The following MYBBP1A variants were observed in gnomAD, a reference collection of about 807,000 sequenced individuals.
MYBBP1A encodes myb-binding protein 1A.
MYBBP1A carries 147 observed loss-of-function variants against 136.3 expected under a neutral mutation model. The observed-to-expected ratio is 1.08, with a 90% confidence interval of 0.94 to 1.24. The LOEUF is 1.24. Ranked by LOEUF, MYBBP1A falls within the 50% of genes most tolerant of loss-of-function variation. MYBBP1A has a pLI of 0.00. For missense variants in MYBBP1A, 2,060 were observed against 1,727.4 expected, an observed-to-expected ratio of 1.19 and a Z score of -3.41; for synonymous variants, 947 against 735.8, an observed-to-expected ratio of 1.29 and a Z score of -4.65.
Position 4,548,932 on chromosome 17 carries a change from G to A in MYBBP1A, c.1431-283C>T, listed in dbSNP as rs1331620153. Among the ~76,000 whole-genome samples the A allele has an allele frequency of 2.0e-5, 3 of 152,256 alleles. No individual in the cohort carries two copies. The highest frequency in any genetic ancestry group is 4.4e-5 in the Non-Finnish European group (3 of 68,042). Reference sequence around the variant, plus strand: ...TCAAGGAACCAACAGATGGGAGGCTGTGTGGTCATGGCCAAGTCAGGTCAC... The same window carrying A: ...TCAAGGAACCAACAGATGGGAGGCTATGTGGTCATGGCCAAGTCAGGTCAC... On this transcript the variant is annotated intron_variant, in intron 10 of 25. Coordinates refer to ENST00000254718, the MANE Select transcript of MYBBP1A (RefSeq NM_014520.4). The surrounding 1 kb of genome is among the most constrained non-coding windows in gnomAD (Gnocchi z 4.2).
intron 19 of MYBBP1A, among the ~76,000 whole-genome samples, chr17:4,543,497 G>A (rs890591145): frequency 2.6e-5 from 4 of 152,184 alleles, no homozygotes; most frequent in African/African-American, 7.2e-5. Flanking sequence ...TTTGTAAAGC[G>A]AGACAAGGGT....
chr17:4,551,663 C>T (rs749691359), intron 8 of MYBBP1A, among the ~76,000 whole-genome samples: 1 of 152,128 alleles, frequency 6.6e-6, no homozygotes, highest in Non-Finnish European at 1.5e-5. Flanking sequence ...GAGCCAAGAT[C>T]TCACCACTGC....
chr17:4,544,464 G>T, intron 19 of MYBBP1A, 25 bp downstream of exon 19: 1 of 1,544,046 alleles, frequency 6.5e-7, no homozygotes, highest in Non-Finnish European at 8.7e-7. Context: ...GGCCACACCT[G>T]CCCGCCCTGC....
chr17:4,546,071 G>A (rs1028519936), intron 13 of MYBBP1A, 129 bp from the exon 14 acceptor site: 6 of 777,870 alleles, frequency 7.7e-6, no homozygotes, highest in Non-Finnish European at 1.3e-5. Flanking sequence ...GGCCCGCCCT[G>A]GCCAGTCACC....
In MYBBP1A at chr17:4,542,635, C is replaced by T; in HGVS notation, c.2999G>A (p.Ser1000Asn). 6.2e-7 allele frequency: 1 copy of T among 1,613,938 alleles called. No individual in the cohort carries two copies. Among genetic ancestry groups the T allele is most frequent in the Non-Finnish European group, 8.5e-7 (1 of 1,179,902 alleles). ...NSPLTVPMFL[S>N]LFSRHPVLCQ... ...ACTCACCGGGTGCCGGGAGAAGAGG[C>T]TGAGGAACATGGGAACTGTGAGGGG... The change falls in exon 21 of 26, where the codon AGC (serine) becomes AAC (asparagine). Residue 1000 changes from serine to asparagine, a missense_variant. Ser to Asn is a conservative substitution (Grantham distance 46). Coordinates refer to ENST00000254718, the MANE Select transcript of MYBBP1A (RefSeq NM_014520.4).
At chr17:4,540,555 CACCTCTGCCCTGTTGCTGCCTCACCAGTG>C in intron 24 of MYBBP1A, 71 bp from the exon 25 acceptor site, 1 of 1,469,306 alleles carries the variant, frequency 6.8e-7, no homozygotes, top group Non-Finnish European at 9.0e-7. Context: ...CCAGTCTTCC[CACCTCTGCCCTGTTGCTGCCTCACCAGTG>C]ACCCCTGCCC....
At position 4,539,447 on chromosome 17, in the gene MYBBP1A, T is replaced by G; in HGVS notation, c.3955A>C (p.Lys1319Gln). The G allele has an allele frequency of 1.9e-6, 3 of 1,613,742 alleles. No individual in the cohort carries two copies. Among genetic ancestry groups the G allele is most frequent in the Non-Finnish European group, 2.5e-6 (3 of 1,179,846 alleles). The change falls in exon 26 of 26, where the codon AAA (lysine) becomes CAA (glutamine). Residue 1319 changes from lysine to glutamine, a missense_variant. Coordinates refer to ENST00000254718, the MANE Select transcript of MYBBP1A (RefSeq NM_014520.4). ...TTCCCTGCCTTCCTCACCTGTGCTT[T>G]CTTCTTGGCCCCACTCTGAAGCAGG... is the stretch of plus-strand genomic sequence containing the variant. ...PSLLQSGAKK[K>Q]AQVRKAGKP is the part of the protein sequence containing the mutation.
chr17:4,539,682 C>T lies in MYBBP1A; in HGVS notation c.3720G>A (p.Arg1240=). ...TKSPAPGAPT[R]SPSTPAKSPK... is the part of the protein sequence containing the mutation. The stretch of plus-strand genomic sequence containing the variant: ...GGGATTTGGCAGGGGTGCTGGGGCT[C>T]CGGGTGGGGGCGCCAGGGGCTGGAC... The change falls in exon 26 of 26, where the codon CGG becomes CGA. Residue 1240 remains arginine (R), a synonymous_variant. Coordinates refer to ENST00000254718, the MANE Select transcript of MYBBP1A (RefSeq NM_014520.4). 1 of 1,608,374 alleles carries T rather than the reference C, an allele frequency of 6.2e-7. No homozygotes were observed. The highest frequency in any genetic ancestry group is 8.5e-7 in the Non-Finnish European group (1 of 1,176,250).
At chr17:4,549,015 G>A (rs1396939847) in intron 10 of MYBBP1A, among the ~76,000 whole-genome samples, 1 of 152,260 alleles carries the variant, frequency 6.6e-6, no homozygotes, top group African/African-American at 2.4e-5. Flanking sequence ...AGGGTGACGT[G>A]AGCACCCAGC....
chr17:4,545,377 G>T, intron 15 of MYBBP1A, 32 bp from the exon 16 acceptor site: 1 of 1,609,720 alleles, frequency 6.2e-7, no homozygotes, highest in Non-Finnish European at 8.5e-7. Flanking sequence ...TGACCCATTT[G>T]CAGCCCCCGC....
chr17:4,545,805 C>A (rs1234485324), intron 14 of MYBBP1A, 41 bp downstream of exon 14: 1 of 1,609,656 alleles, frequency 6.2e-7, no homozygotes, highest in Non-Finnish European at 8.5e-7. Flanking sequence ...ACCGCTGGCC[C>A]CACCCCACCA....
Position 4,552,019 on chromosome 17 carries a change from G to A in MYBBP1A, c.906-22C>T. ...GTAGCTAAAGGGGGTGCAGGACAGAGCCTGGTCAGAGCCCTTGGTGCCCCT... is the reference window on the plus strand; with the variant it reads ...GTAGCTAAAGGGGGTGCAGGACAGAACCTGGTCAGAGCCCTTGGTGCCCCT... On this transcript the variant is annotated intron_variant, in intron 7 of 25. Coordinates refer to ENST00000254718, the MANE Select transcript of MYBBP1A (RefSeq NM_014520.4). The surrounding 1 kb of genome is among the most constrained non-coding windows in gnomAD (Gnocchi z 4.7). 6.2e-7 allele frequency: 1 copy of A among 1,601,082 alleles called. No individual in the cohort carries two copies. The highest frequency in any genetic ancestry group is 8.5e-7 in the Non-Finnish European group (1 of 1,171,300).
In MYBBP1A at chr17:4,554,959, G is replaced by A. The variant is rs768878512; in HGVS notation, c.199-3C>T. 30 of 1,613,260 alleles carry A rather than the reference G, an allele frequency of 1.9e-5. No individual in the cohort carries two copies. In the South Asian group the frequency reaches 3.0e-4, roughly 16 times the overall value. ...AGGGCATATTTCATCTCGGACCCCT[G>A]CGGAACCAAGCACACCCTCGTGTTC... On this transcript the variant is annotated splice_polypyrimidine_tract_variant and splice_region_variant and intron_variant, in intron 1 of 25. Coordinates refer to ENST00000254718, the MANE Select transcript of MYBBP1A (RefSeq NM_014520.4).
chr17:4,540,519 C>T (rs1164965035), intron 24 of MYBBP1A, 35 bp from the exon 25 acceptor site: 2 of 1,576,838 alleles, frequency 1.3e-6, no homozygotes, highest in Non-Finnish European at 1.7e-6. Flanking sequence ...TGTGGGGCCA[C>T]AGAGGGCGGG....
rs559865614 is a variant in MYBBP1A at position 4,539,091 on chromosome 17, C to T, written c.*324G>A. ...CCTGGGGGCAAAGAGGTGGCAGGCA[C>T]GAGAGATGGTCACACCTGCCTGCAG... On this transcript the variant is annotated 3_prime_UTR_variant, in exon 26 of 26. Coordinates refer to ENST00000254718, the MANE Select transcript of MYBBP1A (RefSeq NM_014520.4). 17 of 1,478,976 alleles carry T rather than the reference C, an allele frequency of 1.1e-5. No individual in the cohort carries two copies. The highest frequency in any genetic ancestry group is 3.7e-5 in the Admixed American group (2 of 54,490). 91.6% of individuals were successfully genotyped at this position (1,478,976 alleles called of 1,614,324 possible). A position where few individuals can be genotyped will look rare whatever the true frequency, so the allele number is the denominator to read the frequency against.
At chr17:4,543,846 G>T (rs528510670) in intron 19 of MYBBP1A, among the ~76,000 whole-genome samples, 1 of 151,458 alleles carries the variant, frequency 6.6e-6, no homozygotes, top group Admixed American at 6.6e-5. Context: ...CCTTCTCCAC[G>T]CTGCCAGCCG....
rs774860295 is a variant in MYBBP1A at position 4,539,649 on chromosome 17, C to T, written c.3753G>A (p.Leu1251=). The T allele has an allele frequency of 8.1e-6, 13 of 1,612,006 alleles. No homozygotes were observed. Among genetic ancestry groups the T allele is most frequent in the East Asian group, 4.5e-5 (2 of 44,810 alleles). ...SPSTPAKSPK[L]QKKNQKPSQV... is the part of the protein sequence containing the mutation. ...GGGACGGCTTCTGGTTTTTCTTCTG[C>T]AGTTTTGGGGATTTGGCAGGGGTGC... Residue 1251 remains leucine (L), a synonymous_variant, in exon 26 of 26, where the codon CTG becomes CTA. Transcript: ENST00000254718.
rs1407459837 is a variant in MYBBP1A, at chr17:4,552,718, T to C, written c.562-92A>G. On this transcript the variant is annotated intron_variant, in intron 5 of 25. Transcript: ENST00000254718. The surrounding 1 kb of genome is among the most constrained non-coding windows in gnomAD (Gnocchi z 4.7). ...CTGCTCCTGACACGGGGCCACCTGG[T>C]GAGGTATCAGAGTCATCAGAGGCCA... is the stretch of plus-strand genomic sequence containing the variant. 20 of 1,255,926 alleles carry C rather than the reference T, an allele frequency of 1.6e-5. No individual in the cohort carries two copies. The highest frequency in any genetic ancestry group is 2.2e-5 in the Non-Finnish European group (20 of 905,134). The allele number at this position is 1,255,926 out of a possible 1,614,324, so 77.8% of individuals were successfully genotyped here.
At position 4,548,693 on chromosome 17, in the gene MYBBP1A, G is replaced by T. The variant is rs766567972; in HGVS notation, c.1431-44C>A. The stretch of plus-strand genomic sequence containing the variant: ...TGGCCATAGCCATTCACTGCCATTG[G>T]TTTTTACAGGCTCCCCTCCTTGGAT... On this transcript the variant is annotated intron_variant, in intron 10 of 25. Coordinates refer to ENST00000254718, the MANE Select transcript of MYBBP1A (RefSeq NM_014520.4). This position sits in a 1 kb window ranked among gnomAD's most constrained non-coding sequence, Gnocchi z 4.2. 1.1e-5 allele frequency: 18 copies of T among 1,612,054 alleles called. No individual in the cohort carries two copies. The highest frequency in any genetic ancestry group is 1.4e-5 in the Non-Finnish European group (17 of 1,179,116).
Sources: gnomAD v4.1 joint callset for allele counts (sites outside exome capture counted in the v4.1 genomes callset) on GRCh38, gnomAD v4.1.1 for gene constraint, Gnocchi (gnomAD v3.1) non-coding constraint, MANE v1.5 for transcripts, NCBI Gene and HGNC (gene_info 2026-07-23, HGNC 2026-07-21) for gene names.